Variants in EEIG2 observed in about 807,000 individuals in gnomAD.
EEIG2 encodes EEIG family member 2.
At chr1:108,594,451 G>A in the EEIG2 span, among the ~76,000 whole-genome samples, 1 of 152,140 alleles carries the variant, frequency 6.6e-6, no homozygotes, top group Non-Finnish European at 1.5e-5. Context: ...CTATACTGTA[G>A]AGACAGTTCT....
chr1:108,560,111 AGCGGCGGCGGAGGCGGCG>A, the EEIG2 span: 15 of 173,588 alleles, frequency 8.6e-5, no homozygotes, highest in Middle Eastern at 5.3e-3. Context: ...GACGGGCGGC[AGCGGCGGCGGAGGCGGCG>A]GCGGCGGCGG....
chr1:108,567,523 G>A, the EEIG2 span, among the ~76,000 whole-genome samples: 2 of 152,172 alleles, frequency 1.3e-5, no homozygotes, highest in Admixed American at 6.5e-5. Context: ...TGCCTTTCAG[G>A]CTTTGTGTTG....
chr1:108,596,450 A>G, the EEIG2 span, among the ~76,000 whole-genome samples: 2 of 152,026 alleles, frequency 1.3e-5, no homozygotes, highest in African/African-American at 2.4e-5. Context: ...TATCCTTGCA[A>G]TGTTTGTCAC....
the EEIG2 span, among the ~76,000 whole-genome samples, chr1:108,580,731 GA>G: frequency 4.6e-5 from 7 of 152,142 alleles, no homozygotes; most frequent in African/African-American, 1.7e-4. Flanking sequence ...TGAAGTCTAA[GA>G]GGTGAGGGAA....
At chr1:108,606,133 A>G in the EEIG2 span, 12 of 792,062 alleles carry the variant, frequency 1.5e-5, no homozygotes, top group African/African-American at 1.4e-4. Context: ...TTGCCAGCAT[A>G]TATATGTCTG....
the EEIG2 span, among the ~76,000 whole-genome samples, chr1:108,578,908 C>T: frequency 8.0e-6 from 1 of 125,618 alleles, no homozygotes; most frequent in Admixed American, 8.5e-5. Context: ...TTGTCACCAC[C>T]AGGCCTGCCC....
the EEIG2 span, among the ~76,000 whole-genome samples, chr1:108,566,742 C>T: frequency 6.6e-6 from 1 of 150,828 alleles, no homozygotes; most frequent in Non-Finnish European, 1.5e-5. Flanking sequence ...CATGGATGAA[C>T]CTGGAGGACT....
At chr1:108,601,247 G>C in the EEIG2 span, among the ~76,000 whole-genome samples, 1 of 151,820 alleles carries the variant, frequency 6.6e-6, no homozygotes, top group Non-Finnish European at 1.5e-5. Flanking sequence ...AATTTCATAT[G>C]GTTCAACTTT....
the EEIG2 span, among the ~76,000 whole-genome samples, chr1:108,616,073 A>G: frequency 6.7e-6 from 1 of 149,768 alleles, no homozygotes. Context: ...GTTAAAAATG[A>G]TTTTAATCTA....
At chr1:108,571,367 T>TA in the EEIG2 span, among the ~76,000 whole-genome samples, 33 of 152,110 alleles carry the variant, frequency 2.2e-4, no homozygotes, top group African/African-American at 7.7e-4. Flanking sequence ...AGGTTTCGGT[T>TA]AGACAATAAG....
At chr1:108,620,878 A>C in the EEIG2 span, among the ~76,000 whole-genome samples, 8 of 152,196 alleles carry the variant, frequency 5.3e-5, no homozygotes, top group African/African-American at 1.9e-4. Flanking sequence ...CGTGGGAGAC[A>C]GGCACACAGC....
At chr1:108,638,785 G>C in the EEIG2 span, 1 of 152,188 alleles carries the variant, frequency 6.6e-6, no homozygotes, top group Admixed American at 6.5e-5. Flanking sequence ...TTAATCCTAT[G>C]TTAAGATGCT....
At chr1:108,596,736 T>G in the EEIG2 span, among the ~76,000 whole-genome samples, 1 of 151,866 alleles carries the variant, frequency 6.6e-6, no homozygotes, top group African/African-American at 2.4e-5. Context: ...GCTATTTTTC[T>G]GTTTTTTTGT....
At chr1:108,638,612 G>A in the EEIG2 span, 2 of 152,174 alleles carry the variant, frequency 1.3e-5, no homozygotes, top group African/African-American at 4.8e-5. Context: ...CTGAAATTCT[G>A]TTTGGTCAGT....
the EEIG2 span, chr1:108,635,802 T>C: frequency 1.3e-5 from 2 of 152,408 alleles, no homozygotes; most frequent in African/African-American, 4.8e-5. Context: ...AATGCCGTTA[T>C]GCAGTATATA....
chr1:108,576,367 A>G, the EEIG2 span, among the ~76,000 whole-genome samples: 1 of 150,496 alleles, frequency 6.6e-6, no homozygotes, highest in Non-Finnish European at 1.5e-5. Flanking sequence ...ACATATGTAT[A>G]CATGTGCCAT....
the EEIG2 span, among the ~76,000 whole-genome samples, chr1:108,578,684 A>G: frequency 6.6e-6 from 1 of 152,008 alleles, no homozygotes; most frequent in Admixed American, 6.6e-5. Context: ...AAGGGCAGCC[A>G]GAGAGAAAGG....
At chr1:108,627,967 C>T in the EEIG2 span, 12 of 525,820 alleles carry the variant, frequency 2.3e-5, no homozygotes, top group Admixed American at 9.8e-5. Flanking sequence ...AATTCTTCAG[C>T]GAACTAAGGT....
chr1:108,610,583 C>T, the EEIG2 span, among the ~76,000 whole-genome samples: 1 of 152,170 alleles, frequency 6.6e-6, no homozygotes, highest in Admixed American at 6.5e-5. Flanking sequence ...TTGGATATGG[C>T]TTTGTCCTGG....
Sources: allele counts gnomAD v4.1 joint callset (sites outside exome capture counted in the v4.1 genomes callset), GRCh38; gene constraint gnomAD v4.1.1; transcripts MANE v1.5; gene names NCBI Gene and HGNC (gene_info 2026-07-23, HGNC 2026-07-21).